The following SAFB2 variants were observed in gnomAD, a reference collection of about 807,000 sequenced individuals.
The protein encoded by SAFB2 is scaffold attachment factor B2.
Under a neutral mutation model 100.6 loss-of-function variants are expected in SAFB2, and 32 were observed. The observed-to-expected ratio is 0.32, with a 90% confidence interval of 0.24 to 0.43. The LOEUF is 0.43. SAFB2 is among the 20% of genes least tolerant of loss of function. The probability of loss-of-function intolerance (pLI) is 1.00; values close to 1 mark genes in which losing one functional copy is unlikely to be tolerated. For missense variants in SAFB2, 1,185 were observed against 1,163.4 expected, an observed-to-expected ratio of 1.02 and a Z score of -0.27; for synonymous variants, 500 against 439.4, an observed-to-expected ratio of 1.14 and a Z score of -1.72.
chr19:5,620,039 T>TA (rs2053109080), intron 2 of SAFB2, among the ~76,000 whole-genome samples: 2 of 152,136 alleles, frequency 1.3e-5, no homozygotes, highest in African/African-American at 4.8e-5. Context: ...ACAGAAGAGA[T>TA]AAACTATATT....
intron 14 of SAFB2, among the ~76,000 whole-genome samples, chr19:5,594,556 C>G (rs533256835): frequency 1.2e-3 from 178 of 152,258 alleles, no homozygotes; most frequent in African/African-American, 4.1e-3. Context: ...AAGGGAGCCG[C>G]GGCAAAATGA....
chr19:5,613,614 A>C, intron 4 of SAFB2, 87 bp from the exon 5 acceptor site: 1 of 1,557,382 alleles, frequency 6.4e-7, no homozygotes, highest in Non-Finnish European at 8.7e-7. Flanking sequence ...TTGTGTGTCT[A>C]TTTCCCTCAC....
chr19:5,610,628 T>C lies in SAFB2; in HGVS notation c.1195+11A>G. The C allele has an allele frequency of 2.6e-6, 4 of 1,560,278 alleles. No individual in the cohort carries two copies. Among genetic ancestry groups the C allele is most frequent in the Non-Finnish European group, 3.5e-6 (4 of 1,137,622 alleles). On this transcript the variant is annotated intron_variant, in intron 8 of 20. Coordinates refer to ENST00000252542, the MANE Select transcript of SAFB2 (RefSeq NM_014649.3). ...ATACCTGGCTCCCTACCACGTTAAATTAAATCATACCTTTTTCATCTTTAA... is the reference window on the plus strand; with the variant it reads ...ATACCTGGCTCCCTACCACGTTAAACTAAATCATACCTTTTTCATCTTTAA...
chr19:5,607,647 A>C lies in SAFB2; in HGVS notation c.1296+2348T>G, dbSNP rs929478993. ...ACATGAACAGAAAATAGAGAACAAGACAGTAGATCTAACGCCAAGCCCACC... is the reference window on the plus strand; with the variant it reads ...ACATGAACAGAAAATAGAGAACAAGCCAGTAGATCTAACGCCAAGCCCACC... On this transcript the variant is annotated intron_variant, in intron 9 of 20. Transcript: ENST00000252542. Among the ~76,000 whole-genome samples, 3 of 152,302 alleles carry C rather than the reference A, an allele frequency of 2.0e-5. No homozygotes were observed. The South Asian group carries it at 6.2e-4, about 32-fold the overall frequency.
At chr19:5,618,251 A>G (rs1463960828) in intron 2 of SAFB2, among the ~76,000 whole-genome samples, 1 of 152,120 alleles carries the variant, frequency 6.6e-6, no homozygotes, top group Non-Finnish European at 1.5e-5. Flanking sequence ...AGTCTCAGCT[A>G]CTCGGGAGGC....
At position 5,616,219 on chromosome 19, in the gene SAFB2, C is replaced by T. The variant is rs1351021101; in HGVS notation, c.456G>A (p.Thr152=). 17 of 1,614,072 alleles carry T rather than the reference C, an allele frequency of 1.1e-5. No homozygotes were observed. Among genetic ancestry groups the T allele is most frequent in the Admixed American group, 3.3e-5 (2 of 60,006 alleles). The change falls in exon 4 of 21, where the codon ACG becomes ACA. Residue 152 remains threonine, a synonymous_variant. Coordinates refer to ENST00000252542, the MANE Select transcript of SAFB2 (RefSeq NM_014649.3). ...SSAPDFGEDG[T]DGLLDSFCDS... is the part of the protein sequence containing the mutation. The stretch of plus-strand genomic sequence containing the variant: ...CACAAAAGGAATCGAGAAGGCCGTC[C>T]GTGCCATCCTCCCCAAAATCTGGAG...
chr19:5,590,335 C>T lies in SAFB2; in HGVS notation c.2468G>A (p.Gly823Glu), dbSNP rs1568204750. Residue 823 changes from glycine (G) to glutamate (E), a missense_variant, in exon 18 of 21, where the codon GGG becomes GAG. Around this residue, in one of 3 missense-constraint regions of SAFB2, gnomAD observed 740 missense variants for 687.1 expected, o/e 1.08. Coordinates refer to ENST00000252542, the MANE Select transcript of SAFB2 (RefSeq NM_014649.3). ...CAGCCTCTTGTCGGAGCCGTAGCCC[C>T]CCCAGCCATCACGGGAGTCCCGGCC... is the stretch of plus-strand genomic sequence containing the variant. ...RHGRDSRDGW[G>E]GYGSDKRLSE... is the part of the protein sequence containing the mutation. 2 of 1,610,374 alleles carry T rather than the reference C, an allele frequency of 1.2e-6. No individual in the cohort carries two copies.
chr19:5,602,341 G>A (rs752803748), intron 11 of SAFB2, among the ~76,000 whole-genome samples: 40 of 151,764 alleles, frequency 2.6e-4, no homozygotes, highest in Non-Finnish European at 4.6e-4. Flanking sequence ...TTAGCCGGGC[G>A]TGGTGGTAGG....
intron 16 of SAFB2, 42 bp downstream of exon 16, chr19:5,592,705 C>G (rs539201798): frequency 6.2e-7 from 1 of 1,609,058 alleles, no homozygotes; most frequent in Non-Finnish European, 8.5e-7. Flanking sequence ...TGCCCCGGTG[C>G]CCACAATGAC....
intron 11 of SAFB2, among the ~76,000 whole-genome samples, chr19:5,601,231 G>A (rs1386850884): frequency 2.0e-5 from 3 of 152,132 alleles, no homozygotes; most frequent in Admixed American, 6.6e-5. Flanking sequence ...ACTGACTATT[G>A]TAAATCATCT....
chr19:5,610,251 G>A (rs2052880768), intron 8 of SAFB2, 156 bp from the exon 9 acceptor site: 1 of 635,730 alleles, frequency 1.6e-6, no homozygotes. Context: ...ACACACAGAA[G>A]GCTGAAAATC....
rs753643424 is a variant in SAFB2, at chr19:5,598,867, G to C, written c.1708C>G (p.Arg570Gly). 6.2e-7 allele frequency: 1 copy of C among 1,613,962 alleles called. No homozygotes were observed. Among genetic ancestry groups the C allele is most frequent in the Admixed American group, 1.7e-5 (1 of 59,992 alleles). Residue 570 changes from arginine (R) to glycine (G), a missense_variant, in exon 13 of 21, where the codon CGG becomes GGG. Coordinates refer to ENST00000252542, the MANE Select transcript of SAFB2 (RefSeq NM_014649.3). ...TTCGATTTATCCATCACGACCGTCCGCTCCATTCCTCTGCTTCCTTCAGGA... is the reference window on the plus strand; with the variant it reads ...TTCGATTTATCCATCACGACCGTCCCCTCCATTCCTCTGCTTCCTTCAGGA... ...VTKSGSRGME[R>G]TVVMDKSKGE...
rs370956800 is a variant in SAFB2, at chr19:5,622,740, G to C, written c.-25C>G. 1 of 1,583,824 alleles carries C rather than the reference G, an allele frequency of 6.3e-7. No homozygotes were observed. Among genetic ancestry groups the C allele is most frequent in the African/African-American group, 1.3e-5 (1 of 74,296 alleles). On this transcript the variant is annotated 5_prime_UTR_variant, in exon 1 of 21. Coordinates refer to ENST00000252542, the MANE Select transcript of SAFB2 (RefSeq NM_014649.3). The stretch of plus-strand genomic sequence containing the variant: ...TCGTCGCGTTCCCGTCTTCGCCACC[G>C]ACTCAGTCGCACACCGCCGGCAGCT...
rs776337340 is a variant in SAFB2, at chr19:5,604,921, C to T, written c.1312G>A (p.Val438Met). The change falls in exon 10 of 21, where the codon GTG becomes ATG. Residue 438 changes from valine (V) to methionine (M), a missense_variant. By Grantham distance (21) the Val-to-Met change is conservative (BLOSUM62 1). Coordinates refer to ENST00000252542, the MANE Select transcript of SAFB2 (RefSeq NM_014649.3). ...CCCGGGCTGCGGGCGTTCGTTACCACTTTGGCCCCGACAACCTTCATGAAA... is the reference window on the plus strand; with the variant it reads ...CCCGGGCTGCGGGCGTTCGTTACCATTTTGGCCCCGACAACCTTCATGAAA... The part of the protein sequence containing the change: ...SKYGKVVGAK[V>M]VTNARSPGAR... 1 of 1,613,118 alleles carries T rather than the reference C, an allele frequency of 6.2e-7. No individual in the cohort carries two copies. The highest frequency in any genetic ancestry group is 1.3e-5 in the African/African-American group (1 of 75,028).
chr19:5,622,721 C>A lies in SAFB2; in HGVS notation c.-6G>T. The A allele has an allele frequency of 6.3e-7, 1 of 1,597,080 alleles. No individual in the cohort carries two copies. Among genetic ancestry groups the A allele is most frequent in the Non-Finnish European group, 8.5e-7 (1 of 1,175,654 alleles). ...CCGGGCAGAGTCTCCGCCATCGTCG[C>A]GTTCCCGTCTTCGCCACCGACTCAG... is the stretch of plus-strand genomic sequence containing the variant. On this transcript the variant is annotated 5_prime_UTR_variant, in exon 1 of 21. Transcript: ENST00000252542.
chr19:5,609,321 T>TTA (rs1025827306), intron 9 of SAFB2, among the ~76,000 whole-genome samples: 3 of 140,618 alleles, frequency 2.1e-5, no homozygotes, highest in African/African-American at 7.8e-5. Flanking sequence ...TTTTTTTTTT[T>TTA]ATGACATAGT....
rs778702573 is a variant in SAFB2 at position 5,604,707 on chromosome 19, TAGAC to T, written c.1447-16_1447-13del. 3.7e-6 allele frequency: 6 copies of T among 1,613,996 alleles called. No individual in the cohort carries two copies. Among genetic ancestry groups the T allele is most frequent in the Admixed American group, 3.3e-5 (2 of 59,996 alleles). On this transcript the variant is annotated splice_polypyrimidine_tract_variant and intron_variant, in intron 10 of 20. Transcript: ENST00000252542. ...GGCTCATTTTTGGCCTAAAATATAA[TAGAC>T]AGAAATGATGTGTGGCCCAGAGCTT...
rs759636053 is a variant in SAFB2, at chr19:5,590,388, A to T, written c.2415T>A (p.His805Gln). The change falls in exon 18 of 21, where the codon CAT becomes CAA. Residue 805 changes from histidine (H) to glutamine (Q), a missense_variant. By Grantham distance (24) the His-to-Gln change is conservative. Transcript: ENST00000252542. ...RDGQHYGDDR[H>Q]GHGGPPERHG... ...GGCGCTCTGGGGGTCCTCCGTGGCC[A>T]TGGCGGTCATCTCCATAGTGCTGGA... The T allele has an allele frequency of 1.1e-5, 18 of 1,610,902 alleles. No homozygotes were observed. Among genetic ancestry groups the T allele is most frequent in the Middle Eastern group, 1.7e-4 (1 of 6,054 alleles).
At chr19:5,618,357 G>A (rs1486752726) in intron 2 of SAFB2, among the ~76,000 whole-genome samples, 4 of 151,642 alleles carry the variant, frequency 2.6e-5, no homozygotes, top group Non-Finnish European at 4.4e-5. Context: ...GCGAGACTCC[G>A]TCTCAAAAAA....
Sources: allele counts gnomAD v4.1 joint callset (sites outside exome capture counted in the v4.1 genomes callset), GRCh38; gene constraint gnomAD v4.1.1; regional missense constraint gnomAD v4.1.1; transcripts MANE v1.5; gene names NCBI Gene and HGNC (gene_info 2026-07-23, HGNC 2026-07-21).